WASF1: variants seen among roughly 807,000 people sequenced by gnomAD.
WASF1 encodes actin-binding protein WASF1.
A neutral mutation model predicts 50.5 loss-of-function variants in WASF1; 7 were observed. That is an observed-to-expected ratio of 0.14 (90% CI 0.08 to 0.26). The LOEUF (loss-of-function observed/expected upper bound fraction) is 0.26, where lower values mean the gene tolerates loss of function less well. Among genes scored for constraint, WASF1 ranks in the 10% least tolerant of loss-of-function variants. WASF1 has a pLI of 1.00. For missense variants in WASF1, 470 were observed against 694.7 expected (o/e 0.68, Z 3.64); for synonymous variants, 205 against 244.0 (o/e 0.84, Z 1.49).
At chr6:110,115,463 T>C (rs530996675) in intron 4 of WASF1, among the ~76,000 whole-genome samples, 1 of 152,186 alleles carries the variant, frequency 6.6e-6, no homozygotes. Context: ...TGACGCTTTG[T>C]CCCTGAAGTC....
intron 3 of WASF1, among the ~76,000 whole-genome samples, chr6:110,158,481 A>T (rs1346304155): frequency 7.6e-6 from 1 of 130,742 alleles, no homozygotes; most frequent in African/African-American, 3.3e-5. Context: ...CGGTCTATCA[A>T]TTTTGTTGAT....
chr6:110,143,507 G>T (rs1775363114), intron 3 of WASF1, among the ~76,000 whole-genome samples: 1 of 151,888 alleles, frequency 6.6e-6, no homozygotes, highest in Non-Finnish European at 1.5e-5. Context: ...TATGAATTGA[G>T]AAATCAGAAA....
Position 110,178,604 on chromosome 6 carries a change from T to C in WASF1, c.-133A>G, listed in dbSNP as rs1777038902. 6.6e-6 allele frequency: 1 copy of C among 152,422 alleles called. No individual in the cohort carries two copies. The allele number at this position is 152,422 out of a possible 1,614,324, so 9.4% of individuals were successfully genotyped here. A position where few individuals can be genotyped will look rare whatever the true frequency, so the allele number is the denominator to read the frequency against. ...GTAAGTCGTATTTAAGTACCTAGTC[T>C]AGCTGGGGATCAATTAATTAATCGG... On this transcript the variant is annotated 5_prime_UTR_variant, in exon 2 of 11. Coordinates refer to ENST00000392589, the MANE Select transcript of WASF1 (RefSeq NM_003931.3).
intron 3 of WASF1, among the ~76,000 whole-genome samples, chr6:110,131,936 C>A (rs1025527829): frequency 1.3e-5 from 2 of 152,180 alleles, no homozygotes; most frequent in African/African-American, 2.4e-5. Context: ...AACACATACA[C>A]CCACCTCTAC....
intron 4 of WASF1, among the ~76,000 whole-genome samples, chr6:110,116,771 T>C (rs1180065370): frequency 6.6e-6 from 1 of 152,100 alleles, no homozygotes; most frequent in African/African-American, 2.4e-5. Context: ...CACCTCCCAG[T>C]AGGGGCCAAC....
chr6:110,105,876 A>G (rs1293350350), intron 7 of WASF1, among the ~76,000 whole-genome samples: 1 of 152,244 alleles, frequency 6.6e-6, no homozygotes, highest in Non-Finnish European at 1.5e-5. Context: ...AGATGAAAAA[A>G]GACTCATGAA....
intron 3 of WASF1, among the ~76,000 whole-genome samples, chr6:110,137,326 C>G (rs1775013188): frequency 6.6e-6 from 1 of 152,184 alleles, no homozygotes; most frequent in African/African-American, 2.4e-5. Flanking sequence ...AATAGAGGAT[C>G]AAGCCTTATT....
chr6:110,121,487 C>A (rs1387865092), intron 4 of WASF1, among the ~76,000 whole-genome samples: 1 of 152,160 alleles, frequency 6.6e-6, no homozygotes, highest in Admixed American at 6.5e-5. Flanking sequence ...CAAGGAGATA[C>A]CATCTCATGC....
chr6:110,145,406 C>G (rs1316034463), intron 3 of WASF1, among the ~76,000 whole-genome samples: 3 of 152,168 alleles, frequency 2.0e-5, no homozygotes, highest in Non-Finnish European at 4.4e-5. Flanking sequence ...CATCTGCAAA[C>G]AGGGACAATT....
At chr6:110,164,314 G>A (rs992755165) in intron 2 of WASF1, among the ~76,000 whole-genome samples, 1 of 151,580 alleles carries the variant, frequency 6.6e-6, no homozygotes, top group Non-Finnish European at 1.5e-5. Context: ...ATAAAAGACT[G>A]TTATTCAGAA....
intron 2 of WASF1, among the ~76,000 whole-genome samples, chr6:110,176,256 T>A (rs1776923338): frequency 6.6e-6 from 1 of 152,148 alleles, no homozygotes; most frequent in Non-Finnish European, 1.5e-5. Context: ...TTAATTTACA[T>A]ATATCTTTTT....
chr6:110,165,610 G>C (rs1256136590), intron 2 of WASF1, among the ~76,000 whole-genome samples: 1 of 151,610 alleles, frequency 6.6e-6, no homozygotes, highest in Non-Finnish European at 1.5e-5. Flanking sequence ...TTATAAACAT[G>C]ATCATTTAAG....
chr6:110,141,344 T>C (rs1053152561), intron 3 of WASF1, among the ~76,000 whole-genome samples: 4 of 152,154 alleles, frequency 2.6e-5, no homozygotes, highest in Non-Finnish European at 5.9e-5. Flanking sequence ...AGTCCTGCCT[T>C]TCCTCATGCT....
chr6:110,178,517 A>G (rs941252119), intron 2 of WASF1, 81 bp downstream of exon 2: 2 of 152,634 alleles, frequency 1.3e-5, no homozygotes, highest in Non-Finnish European at 2.9e-5. Flanking sequence ...ATCTAACACC[A>G]AAGAAAAAAT....
intron 4 of WASF1, among the ~76,000 whole-genome samples, chr6:110,124,091 T>A (rs1222356829): frequency 6.6e-6 from 1 of 151,566 alleles, no homozygotes; most frequent in Non-Finnish European, 1.5e-5. Context: ...TGCTTAAACA[T>A]GCCCACAGCA....
intron 3 of WASF1, among the ~76,000 whole-genome samples, chr6:110,135,778 T>C (rs1233934841): frequency 2.0e-5 from 3 of 149,938 alleles, no homozygotes; most frequent in East Asian, 3.9e-4. Flanking sequence ...GGGTTTGTCA[T>C]TACTTTTTGG....
intron 2 of WASF1, among the ~76,000 whole-genome samples, 189 bp from the exon 3 acceptor site, chr6:110,160,921 T>C (rs1464297199): frequency 6.6e-6 from 1 of 151,598 alleles, no homozygotes; most frequent in Non-Finnish European, 1.5e-5. Context: ...AAATCCTCAT[T>C]AATCATATTC....
At chr6:110,179,224 G>A (rs1030119956) in intron 1 of WASF1, among the ~76,000 whole-genome samples, 19 of 152,214 alleles carry the variant, frequency 1.2e-4, no homozygotes, top group Admixed American at 1.2e-3. Flanking sequence ...GCCCGCCGCC[G>A]TCTCCCTCGG....
At chr6:110,150,430 G>C (rs1240812042) in intron 3 of WASF1, among the ~76,000 whole-genome samples, 2 of 152,162 alleles carry the variant, frequency 1.3e-5, no homozygotes, top group East Asian at 1.9e-4. Flanking sequence ...TAACCAGCTA[G>C]CCACAAGTTG....
Sources: allele counts gnomAD v4.1 joint callset (sites outside exome capture counted in the v4.1 genomes callset), GRCh38; gene constraint gnomAD v4.1.1; transcripts MANE v1.5; gene names NCBI Gene and HGNC (gene_info 2026-07-23, HGNC 2026-07-21).